The following TSNARE1 variants were observed in gnomAD, a reference collection of about 807,000 sequenced individuals.
The protein encoded by TSNARE1 is t-SNARE domain containing 1, also known as t-SNARE domain-containing protein 1.
Under a neutral mutation model 62.0 loss-of-function variants are expected in TSNARE1, and 49 were observed. That is an observed-to-expected ratio of 0.79 (90% CI 0.63 to 1.00). The LOEUF (loss-of-function observed/expected upper bound fraction) is 1.00, where lower values mean the gene tolerates loss of function less well. Ranked by LOEUF, TSNARE1 falls within the 50% of genes least tolerant of loss-of-function variation. The pLI is 0.00. For missense variants in TSNARE1, 755 were observed against 700.1 expected (o/e 1.08, Z -0.88); for synonymous variants, 328 against 294.4 (o/e 1.11, Z -1.17).
At chr8:142,367,981 T>C (rs866317964) in intron 1 of TSNARE1, among the ~76,000 whole-genome samples, 1 of 152,120 alleles carries the variant, frequency 6.6e-6, no homozygotes, top group Non-Finnish European at 1.5e-5. Flanking sequence ...AATCAAAGTA[T>C]GTGCAGAAAA....
chr8:142,236,824 G>A (rs764614933), intron 12 of TSNARE1, among the ~76,000 whole-genome samples: 1 of 152,174 alleles, frequency 6.6e-6, no homozygotes. Context: ...GCTGTCCTAG[G>A]TGCTGGGGAT....
In TSNARE1 at chr8:142,254,191, A is replaced by T. The variant is rs934756323; in HGVS notation, c.1446+20590T>A. 2.0e-5 allele frequency among the ~76,000 whole-genome samples: 3 copies of T among 152,174 alleles called. No individual in the cohort carries two copies. In the South Asian group the frequency reaches 6.2e-4, roughly 32 times the overall value. On this transcript the variant is annotated intron_variant, in intron 12 of 13. Coordinates refer to ENST00000524325, the MANE Select transcript of TSNARE1 (RefSeq NM_145003.5). ...TAAGGCTTTTTAATGAAACCGATCT[A>T]TATCTGTTTGCAGGAGGCAGGGTAC...
chr8:142,254,028 A>G (rs548898800), intron 12 of TSNARE1, among the ~76,000 whole-genome samples: 15 of 152,346 alleles, frequency 9.8e-5, no homozygotes, highest in African/African-American at 3.4e-4. Flanking sequence ...AATTCCACGC[A>G]GAGATATTCT....
rs1838432619 is a variant in TSNARE1, at chr8:142,403,159, G to GAGGC, written c.-96_-95insGCCT. 6.7e-6 allele frequency: 1 copy of GAGGC among 148,540 alleles called. No homozygotes were observed. The highest frequency in any genetic ancestry group is 2.4e-5 in the African/African-American group (1 of 40,858). 9.2% of individuals were successfully genotyped at this position (148,540 alleles called of 1,614,324 possible). Reference sequence around the variant, plus strand: ...GGCGCTCACGGCGGGCGAGGCGGGCGGGGCGGGCACCCAAACATCACGTGA... The same window carrying GAGGC: ...GGCGCTCACGGCGGGCGAGGCGGGCGAGGCGGGCGGGCACCCAAACATCACGTGA... On this transcript the variant is annotated 5_prime_UTR_variant, in exon 1 of 14. The change abolishes the stop of an existing upstream ORF in the 5' untranslated region. Coordinates refer to ENST00000524325, the MANE Select transcript of TSNARE1 (RefSeq NM_145003.5).
At chr8:142,277,589 C>A (rs563537236) in intron 11 of TSNARE1, 1 of 985,446 alleles carries the variant, frequency 1.0e-6, no homozygotes, top group Non-Finnish European at 1.2e-6. Flanking sequence ...CCTGCCTCTG[C>A]GCCCACAAGA....
rs1826441843 is a variant in TSNARE1 at position 142,305,110 on chromosome 8, C to T, written c.1132-4466G>A. Among the ~76,000 whole-genome samples, 7 of 152,298 alleles carry T rather than the reference C, an allele frequency of 4.6e-5. No individual in the cohort carries two copies. In the South Asian group the frequency reaches 1.0e-3, roughly 23 times the overall value. On this transcript the variant is annotated intron_variant, in intron 9 of 13. Transcript: ENST00000524325. ...GCTGGAGGAAATGTGCTCCCTCCCA[C>T]GATGAAATCCTCCAGGGCAGCTAAT...
chr8:142,384,578 A>T (rs1836985822), intron 1 of TSNARE1, among the ~76,000 whole-genome samples: 1 of 152,220 alleles, frequency 6.6e-6, no homozygotes, highest in African/African-American at 2.4e-5. Flanking sequence ...ATTCAGTGAG[A>T]AAAGGATCAT....
intron 12 of TSNARE1, among the ~76,000 whole-genome samples, chr8:142,257,674 C>T (rs561370618): frequency 1.0e-3 from 154 of 152,224 alleles, no homozygotes; most frequent in Non-Finnish European, 2.0e-3. Flanking sequence ...GCCTGATAGG[C>T]AGGGTCTCAG....
intron 2 of TSNARE1, among the ~76,000 whole-genome samples, chr8:142,349,043 G>A (rs771833350): frequency 7.8e-4 from 119 of 152,164 alleles, no homozygotes; most frequent in Non-Finnish European, 7.1e-4. Flanking sequence ...GAGGGTCCTC[G>A]AAGGCCCCGC....
chr8:142,218,374 G>A (rs1161012222), intron 13 of TSNARE1, among the ~76,000 whole-genome samples: 4 of 152,146 alleles, frequency 2.6e-5, no homozygotes, highest in African/African-American at 9.7e-5. Context: ...GCACCACGAG[G>A]GCCAGACCAC....
At chr8:142,216,641 A>C (rs1216641720) in intron 13 of TSNARE1, among the ~76,000 whole-genome samples, 1 of 148,274 alleles carries the variant, frequency 6.7e-6, no homozygotes, top group South Asian at 2.3e-4. Context: ...GCCTCACTCC[A>C]TCCTCTCCCT....
At chr8:142,304,862 A>C (rs1826400706) in intron 9 of TSNARE1, among the ~76,000 whole-genome samples, 1 of 152,128 alleles carries the variant, frequency 6.6e-6, no homozygotes, top group Non-Finnish European at 1.5e-5. Context: ...GCCCCTGGAG[A>C]GCGGCATGAC....
intron 6 of TSNARE1, among the ~76,000 whole-genome samples, chr8:142,324,458 TG>T (rs535729241): frequency 6.6e-6 from 1 of 152,156 alleles, no homozygotes; most frequent in Non-Finnish European, 1.5e-5. Context: ...GAGGCCTGCC[TG>T]GGGGGTGTGT....
chr8:142,303,600 G>A (rs1375287803), intron 9 of TSNARE1, among the ~76,000 whole-genome samples: 1 of 152,246 alleles, frequency 6.6e-6, no homozygotes, highest in East Asian at 1.9e-4. Flanking sequence ...GGAGCAGATG[G>A]ACAGGTGACA....
intron 2 of TSNARE1, among the ~76,000 whole-genome samples, chr8:142,348,404 G>T (rs767325069): frequency 9.2e-5 from 14 of 152,292 alleles, no homozygotes; most frequent in East Asian, 3.9e-4. Flanking sequence ...CTCTGCCCGT[G>T]TGTCTATCTC....
At chr8:142,243,189 C>T (rs765755809) in intron 12 of TSNARE1, among the ~76,000 whole-genome samples, 1 of 152,152 alleles carries the variant, frequency 6.6e-6, no homozygotes, top group Non-Finnish European at 1.5e-5. Flanking sequence ...GAAAACAGTA[C>T]AGAGGTTCCT....
At chr8:142,280,734 C>A (rs1005916753) in intron 11 of TSNARE1, among the ~76,000 whole-genome samples, 1 of 152,186 alleles carries the variant, frequency 6.6e-6, no homozygotes, top group African/African-American at 2.4e-5. Flanking sequence ...CATCCCAGCC[C>A]GCGACAGGTG....
chr8:142,290,186 CAGAG>C (rs1252281378), intron 10 of TSNARE1, among the ~76,000 whole-genome samples: 1 of 152,116 alleles, frequency 6.6e-6, no homozygotes, highest in Non-Finnish European at 1.5e-5. Context: ...CCTGGGGCGA[CAGAG>C]AGGCCAAGGC....
At chr8:142,229,804 G>A (rs1586793700) in intron 12 of TSNARE1, among the ~76,000 whole-genome samples, 1 of 152,168 alleles carries the variant, frequency 6.6e-6, no homozygotes, top group African/African-American at 2.4e-5. Flanking sequence ...TTCAAAGGGA[G>A]AGAGGCAGGA....
Sources: allele counts gnomAD v4.1 joint callset (sites outside exome capture counted in the v4.1 genomes callset), GRCh38; gene constraint gnomAD v4.1.1; transcripts MANE v1.5; gene names NCBI Gene and HGNC (gene_info 2026-07-23, HGNC 2026-07-21).